The following RAB27B variants were observed in gnomAD, a reference collection of about 807,000 sequenced individuals.
RAB27B encodes the protein RAB27B, member RAS oncogene family.
Under a neutral mutation model 24.6 loss-of-function variants are expected in RAB27B, and 15 were observed. The observed-to-expected ratio is 0.61, with a 90% CI of 0.41 to 0.94. The LOEUF (loss-of-function observed/expected upper bound fraction) is 0.94. RAB27B is among the 40% of genes least tolerant of loss of function. RAB27B has a pLI of 0.00. For synonymous variants in RAB27B, 105 were observed against 92.5 expected (o/e 1.14, Z -0.78); for missense variants, 261 against 266.8 (o/e 0.98, Z 0.15).
chr18:54,831,929 C>T (rs12456002), intron 1 of RAB27B, among the ~76,000 whole-genome samples: 34,806 of 152,012 alleles, frequency 0.23, 4,227 homozygotes, highest in East Asian at 0.39. Flanking sequence ...GCATGCACCA[C>T]CATGCCCAGC....
At chr18:54,751,093 GCAGT>G (rs1383594956) in intron 2 of RAB27B, among the ~76,000 whole-genome samples, 2 of 152,180 alleles carry the variant, frequency 1.3e-5, no homozygotes, top group Admixed American at 1.3e-4. Context: ...AGTTAAGAGG[GCAGT>G]CAGACAGCTT....
intron 2 of RAB27B, among the ~76,000 whole-genome samples, chr18:54,781,772 A>G (rs1022729274): frequency 2.6e-5 from 4 of 152,200 alleles, no homozygotes; most frequent in Admixed American, 2.0e-4. Flanking sequence ...TATATAACCA[A>G]TGAGCAAACA....
intron 1 of RAB27B, among the ~76,000 whole-genome samples, chr18:54,836,752 G>A (rs1025075473): frequency 6.6e-6 from 1 of 151,836 alleles, no homozygotes; most frequent in African/African-American, 2.4e-5. Flanking sequence ...TTTCTAATTG[G>A]TGTTTTCCAC....
intron 1 of RAB27B, among the ~76,000 whole-genome samples, chr18:54,852,452 T>G (rs1265153531): frequency 1.3e-5 from 2 of 152,214 alleles, no homozygotes; most frequent in Non-Finnish European, 2.9e-5. Flanking sequence ...AAACTCCTAT[T>G]TTTAATTTGG....
intron 1 of RAB27B, among the ~76,000 whole-genome samples, chr18:54,867,612 A>G (rs1409115430): frequency 6.6e-6 from 1 of 151,806 alleles, no homozygotes; most frequent in African/African-American, 2.4e-5. Flanking sequence ...AGACCCAGCT[A>G]ATTTTTGTAT....
At chr18:54,797,170 C>G (rs1189235145) in intron 2 of RAB27B, among the ~76,000 whole-genome samples, 1 of 152,158 alleles carries the variant, frequency 6.6e-6, no homozygotes, top group Non-Finnish European at 1.5e-5. Context: ...TGTGCACAGG[C>G]ATATAAGAAT....
chr18:54,886,041 C>G (rs923929983), intron 4 of RAB27B: 1 of 152,162 alleles, frequency 6.6e-6, no homozygotes, highest in Admixed American at 6.6e-5. Flanking sequence ...GATCCAGTTG[C>G]CTCCCACTAG....
At chr18:54,744,414 G>A (rs1358022868) in intron 2 of RAB27B, among the ~76,000 whole-genome samples, 5 of 152,134 alleles carry the variant, frequency 3.3e-5, no homozygotes, top group African/African-American at 9.7e-5. Flanking sequence ...CTCATCATTA[G>A]CAATCTAGAC....
At chr18:54,748,258 A>G (rs954669048) in intron 2 of RAB27B, among the ~76,000 whole-genome samples, 1 of 152,204 alleles carries the variant, frequency 6.6e-6, no homozygotes, top group Non-Finnish European at 1.5e-5. Context: ...AGATATAAGC[A>G]CTAAAGGGAC....
intron 2 of RAB27B, among the ~76,000 whole-genome samples, chr18:54,811,915 T>A (rs1909975913): frequency 6.6e-6 from 1 of 152,208 alleles, no homozygotes; most frequent in Non-Finnish European, 1.5e-5. Flanking sequence ...AATGCCCATA[T>A]TGCAACTTCC....
intron 1 of RAB27B, among the ~76,000 whole-genome samples, chr18:54,845,845 T>C (rs1024120155): frequency 1.3e-5 from 2 of 152,224 alleles, no homozygotes; most frequent in Non-Finnish European, 2.9e-5. Context: ...TATTTGCAAA[T>C]CTGCCTGCTT....
At chr18:54,789,382 A>C (rs953204078) in intron 2 of RAB27B, among the ~76,000 whole-genome samples, 4 of 152,288 alleles carry the variant, frequency 2.6e-5, no homozygotes, top group Middle Eastern at 3.4e-3. Context: ...ATACCATTTA[A>C]ATAACAATTA....
chr18:54,724,237 G>C (rs1000149989), intron 2 of RAB27B, among the ~76,000 whole-genome samples: 1 of 151,644 alleles, frequency 6.6e-6, no homozygotes, highest in Non-Finnish European at 1.5e-5. Context: ...GGTCAAGAAA[G>C]ACATGACTTA....
intron 3 of RAB27B, 68 bp from the exon 4 acceptor site, chr18:54,884,265 G>C (rs1913041635): frequency 2.1e-6 from 2 of 953,034 alleles, no homozygotes; most frequent in Non-Finnish European, 1.7e-6. Flanking sequence ...AAGGGAAACT[G>C]TTATTTGTGT....
intron 2 of RAB27B, among the ~76,000 whole-genome samples, chr18:54,784,455 T>C (rs762476237): frequency 1.2e-4 from 19 of 152,198 alleles, no homozygotes; most frequent in Non-Finnish European, 2.8e-4. Context: ...CTCCACCCTC[T>C]GTTCCCCATT....
At chr18:54,722,284 T>C (rs1909383651) in intron 2 of RAB27B, among the ~76,000 whole-genome samples, 1 of 152,138 alleles carries the variant, frequency 6.6e-6, no homozygotes, top group African/African-American at 2.4e-5. Flanking sequence ...AAAGAAAGAA[T>C]TGTTTCCGAA....
intron 1 of RAB27B, among the ~76,000 whole-genome samples, chr18:54,842,239 A>G (rs1247208494): frequency 6.6e-6 from 1 of 152,250 alleles, no homozygotes; most frequent in East Asian, 1.9e-4. Flanking sequence ...TGTTTGTAAG[A>G]AAAGATATGT....
At chr18:54,868,603 C>CGTCGTTGTT (rs1555666519) in intron 1 of RAB27B, among the ~76,000 whole-genome samples, 3 of 150,922 alleles carry the variant, frequency 2.0e-5, no homozygotes, top group Non-Finnish European at 2.9e-5. Flanking sequence ...CTCTCAGTTT[C>CGTCGTTGTT]GTTGTTGTTG....
chr18:54,770,448 C>G (rs1011985655), intron 2 of RAB27B, among the ~76,000 whole-genome samples: 5 of 151,724 alleles, frequency 3.3e-5, no homozygotes, highest in Non-Finnish European at 7.4e-5. Context: ...TGATCTGTCA[C>G]TGTCTCCCAT....
Sources: gnomAD v4.1 joint callset for allele counts (sites outside exome capture counted in the v4.1 genomes callset) on GRCh38, gnomAD v4.1.1 for gene constraint, MANE v1.5 for transcripts, NCBI Gene and HGNC (gene_info 2026-07-23, HGNC 2026-07-21) for gene names.